Variants in EYS observed in about 807,000 individuals in gnomAD.
EYS encodes the protein protein eyes shut homolog.
Under a neutral mutation model 282.1 loss-of-function variants are expected in EYS, and 250 were observed. The ratio of observed to expected loss-of-function variants is 0.89; its 90% CI spans 0.80 to 0.98. The LOEUF is 0.98. Ranked by LOEUF, EYS falls within the 50% of genes least tolerant of loss-of-function variation. The pLI is 0.00. For synonymous variants in EYS, 1,355 were observed against 1,282.9 expected, an observed-to-expected ratio of 1.06 and a Z score of -1.20; for missense variants, 4,016 against 3,709.0, an observed-to-expected ratio of 1.08 and a Z score of -2.15.
intron 19 of EYS, among the ~76,000 whole-genome samples, chr6:64,831,335 T>C (rs1765209317): frequency 6.6e-6 from 1 of 152,026 alleles, no homozygotes; most frequent in Non-Finnish European, 1.5e-5. Context: ...TATCAAATAC[T>C]GGATTAAACC....
At chr6:64,234,954 T>G (rs1337094581) in intron 30 of EYS, among the ~76,000 whole-genome samples, 1 of 151,976 alleles carries the variant, frequency 6.6e-6, no homozygotes, top group Non-Finnish European at 1.5e-5. Flanking sequence ...CTTGGCTCAC[T>G]GCAACCCCCG....
At chr6:65,520,647 T>C (rs1767331420) in intron 2 of EYS, among the ~76,000 whole-genome samples, 1 of 151,844 alleles carries the variant, frequency 6.6e-6, no homozygotes, top group Non-Finnish European at 1.5e-5. Context: ...TATACATATA[T>C]CAGAGGAATA....
intron 35 of EYS, among the ~76,000 whole-genome samples, chr6:63,883,583 T>C (rs1773188367): frequency 6.6e-6 from 1 of 152,240 alleles, no homozygotes; most frequent in Admixed American, 6.5e-5. Flanking sequence ...ATCCTCGAAG[T>C]AGGGACTCTA....
At chr6:63,947,779 T>C (rs1765442542) in intron 35 of EYS, among the ~76,000 whole-genome samples, 1 of 152,206 alleles carries the variant, frequency 6.6e-6, no homozygotes, top group South Asian at 2.1e-4. Context: ...AAAGCAATCA[T>C]TGGTTATGCC....
intron 23 of EYS, among the ~76,000 whole-genome samples, chr6:64,622,186 C>T (rs1767466461): frequency 6.6e-6 from 1 of 152,052 alleles, no homozygotes; most frequent in Non-Finnish European, 1.5e-5. Flanking sequence ...ACCTGAGCTC[C>T]ACTTGTCAAG....
Position 64,591,051 on chromosome 6 carries a change from T to A in EYS, c.4816A>T (p.Thr1606Ser), listed in dbSNP as rs527287264. Residue 1606 changes from threonine to serine, a missense_variant, in exon 26 of 43, where the codon ACT becomes TCT. Transcript: ENST00000503581. ...GCAGAAGAAAATGAATGCCCAGAAG[T>A]GATAGTTTGAGCTCCCATTAGTGCA... ...WYALMGAQTI[T>S]SGHSFSSATE... 1 of 1,551,282 alleles carries A rather than the reference T, an allele frequency of 6.4e-7. No individual in the cohort carries two copies. Among genetic ancestry groups the A allele is most frequent in the African/African-American group, 1.4e-5 (1 of 73,132 alleles).
chr6:65,269,103 G>T (rs904797614), intron 12 of EYS, among the ~76,000 whole-genome samples: 1 of 152,038 alleles, frequency 6.6e-6, no homozygotes, highest in Non-Finnish European at 1.5e-5. Context: ...GGCTCTGTTT[G>T]TCAGTATCAG....
intron 33 of EYS, among the ~76,000 whole-genome samples, chr6:64,047,473 G>A (rs531921320): frequency 3.7e-4 from 57 of 152,256 alleles, no homozygotes; most frequent in Admixed American, 7.2e-4. Context: ...CTTGATGGGC[G>A]TGCAGAACTC....
intron 33 of EYS, among the ~76,000 whole-genome samples, chr6:64,037,138 T>C (rs552619122): frequency 4.5e-4 from 69 of 152,310 alleles, no homozygotes; most frequent in Non-Finnish European, 1.8e-4. Context: ...TTTATAATGA[T>C]TACAGTGGCA....
chr6:65,676,049 T>C (rs1240843161), intron 1 of EYS, among the ~76,000 whole-genome samples: 1 of 151,624 alleles, frequency 6.6e-6, no homozygotes, highest in Non-Finnish European at 1.5e-5. Flanking sequence ...AATGAAAACC[T>C]AACATACCAA....
chr6:64,061,805 C>T (rs1050519080), intron 33 of EYS, among the ~76,000 whole-genome samples: 1 of 151,940 alleles, frequency 6.6e-6, no homozygotes, highest in Non-Finnish European at 1.5e-5. Context: ...GCCTGGCCAA[C>T]ATGGAGAAAC....
At position 64,230,555 on chromosome 6, in the gene EYS, T is replaced by C. The variant is rs190537633; in HGVS notation, c.6424+37A>G. The C allele has an allele frequency of 1.4e-3, 2,112 of 1,478,842 alleles. 42 individuals carry two copies. The Admixed American group carries it at 0.036, about 25-fold the overall frequency. 91.6% of individuals were successfully genotyped at this position (1,478,842 alleles called of 1,614,324 possible). On this transcript the variant is annotated intron_variant, in intron 31 of 42. Coordinates refer to ENST00000503581, the MANE Select transcript of EYS (RefSeq NM_001142800.2). The stretch of plus-strand genomic sequence containing the variant: ...CCTGTCCATTCTCTGGAGAGGTTTT[T>C]AAAAAGAAATACAAAAGGGTAATGA...
chr6:63,818,008 C>T (rs1218803284), intron 36 of EYS, among the ~76,000 whole-genome samples: 1 of 152,182 alleles, frequency 6.6e-6, no homozygotes, highest in Non-Finnish European at 1.5e-5. Context: ...ACCTCTATAG[C>T]AGTCTAGGGA....
chr6:65,214,223 C>T lies in EYS; in HGVS notation c.2023+81640G>A, dbSNP rs185271327. Among the ~76,000 whole-genome samples, 250 of 147,854 alleles carry T rather than the reference C, an allele frequency of 1.7e-3. 2 individuals carry two copies. The highest frequency in any genetic ancestry group is 5.6e-3 in the African/African-American group (226 of 40,154). ...CTGATATAGGCTGAAAAAGTTAGGCCTCTTGTACCAAGCAGCCAAGTTGTG... is the reference window on the plus strand; with the variant it reads ...CTGATATAGGCTGAAAAAGTTAGGCTTCTTGTACCAAGCAGCCAAGTTGTG... On this transcript the variant is annotated intron_variant, in intron 12 of 42. Coordinates refer to ENST00000503581, the MANE Select transcript of EYS (RefSeq NM_001142800.2).
At chr6:65,469,366 G>C (rs1237415282) in intron 5 of EYS, among the ~76,000 whole-genome samples, 2 of 151,898 alleles carry the variant, frequency 1.3e-5, no homozygotes, top group African/African-American at 4.8e-5. Flanking sequence ...AATTCTTTCA[G>C]TTATACTTTT....
At chr6:64,168,011 G>A (rs1250250580) in intron 31 of EYS, among the ~76,000 whole-genome samples, 5 of 152,064 alleles carry the variant, frequency 3.3e-5, no homozygotes, top group African/African-American at 1.2e-4. Context: ...GCCTGTAATC[G>A]CAGCACTTTG....
At chr6:65,486,720 G>C (rs1174685248) in intron 5 of EYS, among the ~76,000 whole-genome samples, 2 of 152,142 alleles carry the variant, frequency 1.3e-5, no homozygotes, top group African/African-American at 4.8e-5. Context: ...AATAAATTGA[G>C]AGAGTCAACA....
intron 33 of EYS, among the ~76,000 whole-genome samples, chr6:64,005,117 C>A (rs576254432): frequency 7.2e-5 from 11 of 152,154 alleles, no homozygotes; most frequent in South Asian, 2.1e-4. Context: ...CACAACCTTG[C>A]CAGCATCTGT....
intron 35 of EYS, among the ~76,000 whole-genome samples, chr6:63,875,673 T>A (rs1772949009): frequency 6.6e-6 from 1 of 152,216 alleles, no homozygotes; most frequent in Non-Finnish European, 1.5e-5. Flanking sequence ...TATTCAGGGA[T>A]TCAACTTCTT....
Sources: gnomAD v4.1 joint callset for allele counts (sites outside exome capture counted in the v4.1 genomes callset) on GRCh38, gnomAD v4.1.1 for gene constraint, MANE v1.5 for transcripts, NCBI Gene and HGNC (gene_info 2026-07-23, HGNC 2026-07-21) for gene names.